Variants in ANKMY1 observed in about 807,000 individuals in gnomAD.
The protein encoded by ANKMY1 is ankyrin repeat and MYND domain-containing protein 1.
ANKMY1 carries 98 observed loss-of-function variants against 102.0 expected under a neutral mutation model. That is an observed-to-expected ratio of 0.96 (90% confidence interval 0.82 to 1.14). The LOEUF (loss-of-function observed/expected upper bound fraction) is 1.14, where lower values mean the gene tolerates loss of function less well. Among genes scored for constraint, ANKMY1 ranks in the 50% most tolerant of loss-of-function variants. The probability of loss-of-function intolerance (pLI) is 0.00; values close to 1 mark genes in which losing one functional copy is unlikely to be tolerated. For synonymous variants in ANKMY1, 582 were observed against 559.9 expected (o/e 1.04, Z -0.56); for missense variants, 1,330 against 1,347.6 (o/e 0.99, Z 0.20).
Position 240,554,847 on chromosome 2 carries a change from A to G in ANKMY1, c.336+19T>C, listed in dbSNP as rs751299129. ...AGAGGCCCTAGGGGAGGAGGCGGAG[A>G]AAGTGTGGAAGCAGTTACCTCGCCT... On this transcript the variant is annotated intron_variant, in intron 3 of 17. Coordinates refer to ENST00000401804, the MANE Select transcript of ANKMY1 (RefSeq NM_001282771.3). 2.5e-6 allele frequency: 4 copies of G among 1,613,570 alleles called. No individual in the cohort carries two copies. Among genetic ancestry groups the G allele is most frequent in the Non-Finnish European group, 3.4e-6 (4 of 1,179,564 alleles).
intron 4 of ANKMY1, among the ~76,000 whole-genome samples, chr2:240,546,051 A>C (rs2090292720): frequency 6.6e-6 from 1 of 152,088 alleles, no homozygotes; most frequent in Non-Finnish European, 1.5e-5. Flanking sequence ...TCCAAGACAC[A>C]TAATTGTCAG....
intron 13 of ANKMY1, among the ~76,000 whole-genome samples, chr2:240,503,971 C>G (rs1177281263): frequency 6.6e-6 from 1 of 152,214 alleles, no homozygotes; most frequent in Admixed American, 6.5e-5. Context: ...CCCCCAGAAG[C>G]CACAGCGAGG....
intron 4 of ANKMY1, among the ~76,000 whole-genome samples, chr2:240,551,783 A>C (rs1158857815): frequency 6.6e-6 from 1 of 152,228 alleles, no homozygotes; most frequent in African/African-American, 2.4e-5. Flanking sequence ...ACTGATAAAC[A>C]AAAAGGGGGG....
intron 15 of ANKMY1, among the ~76,000 whole-genome samples, chr2:240,486,530 G>C (rs972750643): frequency 1.3e-5 from 2 of 152,206 alleles, no homozygotes; most frequent in East Asian, 1.9e-4. Flanking sequence ...AGTATTTCTT[G>C]TAAGGGAAGG....
intron 9 of ANKMY1, among the ~76,000 whole-genome samples, chr2:240,514,318 G>A (rs1368236075): frequency 6.6e-6 from 1 of 152,196 alleles, no homozygotes; most frequent in Non-Finnish European, 1.5e-5. Flanking sequence ...ACAATAGAGA[G>A]AAATACTAGA....
the ANKMY1 span, among the ~76,000 whole-genome samples, chr2:240,473,378 C>T: frequency 7.0e-6 from 1 of 143,328 alleles, no homozygotes; most frequent in Non-Finnish European, 1.5e-5. Context: ...AACACAATGA[C>T]AAAATTGAAA....
intron 4 of ANKMY1, among the ~76,000 whole-genome samples, chr2:240,551,550 G>A (rs562639635): frequency 6.6e-6 from 1 of 152,206 alleles, no homozygotes; most frequent in Admixed American, 6.5e-5. Flanking sequence ...AGGGCACCAG[G>A]AAACTGAAGC....
chr2:240,504,150 C>G (rs2078673398), intron 13 of ANKMY1, among the ~76,000 whole-genome samples: 1 of 152,228 alleles, frequency 6.6e-6, no homozygotes, highest in Non-Finnish European at 1.5e-5. Flanking sequence ...ACAGCCTGAA[C>G]AGCAAGACGT....
At chr2:240,518,010 G>A (rs1411034989) in intron 9 of ANKMY1, among the ~76,000 whole-genome samples, 2 of 151,984 alleles carry the variant, frequency 1.3e-5, no homozygotes, top group Admixed American at 1.3e-4. Flanking sequence ...CCCATGGTGT[G>A]CAGCTGCCCA....
In ANKMY1 at chr2:240,500,526, G is replaced by A; in HGVS notation, c.2566C>T (p.Pro856Ser). ...TTTTCTCCCTGCCTGAGCATTACAG[G>A]CTTCAGGATGTCGGCCCCGTGACTG... ...LISHGADILKPVMLRQGEKEA... is the reference protein window; with the variant it reads ...LISHGADILKSVMLRQGEKEA... Residue 856 changes from proline to serine, a missense_variant, in exon 14 of 18, where the codon CCT (proline) becomes TCT (serine). By Grantham distance (74) the Pro-to-Ser change is moderately conservative. Coordinates refer to ENST00000401804, the MANE Select transcript of ANKMY1 (RefSeq NM_001282771.3). 4 of 1,614,154 alleles carry A rather than the reference G, an allele frequency of 2.5e-6. No homozygotes were observed. The Admixed American group carries it at 5.0e-5, about 20-fold the overall frequency.
At chr2:240,509,227 G>GGATT in intron 12 of ANKMY1, 121 bp downstream of exon 12, 1 of 707,626 alleles carries the variant, frequency 1.4e-6, no homozygotes, top group Non-Finnish European at 2.2e-6. Flanking sequence ...ATGGATGAAT[G>GGATT]GATGGATGGA....
intron 4 of ANKMY1, among the ~76,000 whole-genome samples, chr2:240,540,262 C>T (rs1226341812): frequency 2.6e-5 from 4 of 152,208 alleles, no homozygotes; most frequent in Non-Finnish European, 5.9e-5. Context: ...TAGTTCTTGT[C>T]TCCCTTAAAC....
At chr2:240,532,327 C>A (rs1575212097) in intron 4 of ANKMY1, among the ~76,000 whole-genome samples, 1 of 152,172 alleles carries the variant, frequency 6.6e-6, no homozygotes, top group African/African-American at 2.4e-5. Context: ...GGATATTCTT[C>A]AAGAACTGAG....
chr2:240,520,236 C>T lies in ANKMY1; in HGVS notation c.2004+126G>A, dbSNP rs1265876595. The T allele has an allele frequency of 5.0e-6, 7 of 1,404,504 alleles. No homozygotes were observed. Among genetic ancestry groups the T allele is most frequent in the Middle Eastern group, 1.8e-4 (1 of 5,536 alleles). 87.0% of individuals were successfully genotyped at this position (1,404,504 alleles called of 1,614,324 possible). A position where few individuals can be genotyped will look rare whatever the true frequency, so the allele number is the denominator to read the frequency against. ...CACTGCGGCGCGCCGTCATCACTCA[C>T]AGCCCAGGTGGTCGCCTGCAAGAGC... On this transcript the variant is annotated intron_variant, in intron 9 of 17. Transcript: ENST00000401804. This position sits in a 1 kb window ranked among gnomAD's most constrained non-coding sequence, Gnocchi z 4.8.
chr2:240,552,434 T>C (rs1559385696), intron 4 of ANKMY1, among the ~76,000 whole-genome samples: 1 of 152,176 alleles, frequency 6.6e-6, no homozygotes, highest in Non-Finnish European at 1.5e-5. Context: ...TGGCAATATT[T>C]TGAGGGTGAT....
intron 13 of ANKMY1, among the ~76,000 whole-genome samples, chr2:240,507,238 C>T (rs867271792): frequency 3.3e-5 from 5 of 152,102 alleles, no homozygotes; most frequent in Non-Finnish European, 5.9e-5. Context: ...ACCCACCGCC[C>T]GCCAGGAATG....
intron 12 of ANKMY1, among the ~76,000 whole-genome samples, chr2:240,507,964 T>C (rs751950422): frequency 6.6e-5 from 10 of 152,220 alleles, no homozygotes; most frequent in Non-Finnish European, 1.3e-4. Context: ...GCACTTTCTC[T>C]GTCCCCTGAC....
In ANKMY1 at chr2:240,503,075, C is replaced by T. The variant is rs576975889; in HGVS notation, c.2527-2510G>A. Among the ~76,000 whole-genome samples, 6 of 152,340 alleles carry T rather than the reference C, an allele frequency of 3.9e-5. No individual in the cohort carries two copies. In the South Asian group the frequency reaches 1.0e-3, roughly 26 times the overall value. On this transcript the variant is annotated intron_variant, in intron 13 of 17. Coordinates refer to ENST00000401804, the MANE Select transcript of ANKMY1 (RefSeq NM_001282771.3). ...TAGAAACCAGCCCTGCCCAGGGGCTCTGCCTCTGAGACCACAAACCCTGCT... is the reference window on the plus strand; with the variant it reads ...TAGAAACCAGCCCTGCCCAGGGGCTTTGCCTCTGAGACCACAAACCCTGCT...
intron 9 of ANKMY1, among the ~76,000 whole-genome samples, chr2:240,519,546 T>C (rs1003330543): frequency 2.0e-5 from 3 of 152,050 alleles, no homozygotes; most frequent in Non-Finnish European, 2.9e-5. Context: ...GGAGCAGTCA[T>C]GGGCAGCGAC....
Sources: gnomAD v4.1 joint callset for allele counts (sites outside exome capture counted in the v4.1 genomes callset) on GRCh38, gnomAD v4.1.1 for gene constraint, Gnocchi (gnomAD v3.1) non-coding constraint, MANE v1.5 for transcripts, NCBI Gene and HGNC (gene_info 2026-07-23, HGNC 2026-07-21) for gene names.